CNTN4: variants seen among roughly 807,000 people sequenced by gnomAD.
The protein encoded by CNTN4 is contactin 4.
In CNTN4, 77 loss-of-function variants were observed where a neutral mutation model predicts 122.5. That is an observed-to-expected ratio of 0.63 (90% CI 0.52 to 0.76). The LOEUF is 0.76. Ranked by LOEUF, CNTN4 falls within the 30% of genes least tolerant of loss-of-function variation. CNTN4 has a pLI of 0.00. For missense variants in CNTN4, 1,256 were observed against 1,259.1 expected, an observed-to-expected ratio of 1.00 and a Z score of 0.04; for synonymous variants, 512 against 447.0, an observed-to-expected ratio of 1.15 and a Z score of -1.83.
intron 4 of CNTN4, among the ~76,000 whole-genome samples, chr3:2,594,287 A>G (rs1345018655): frequency 1.3e-5 from 2 of 152,196 alleles, no homozygotes; most frequent in East Asian, 3.9e-4. Flanking sequence ...CCAATTCTAT[A>G]CACAAAGTAC....
chr3:2,282,924 A>T (rs1024444527), intron 2 of CNTN4, among the ~76,000 whole-genome samples: 3 of 152,174 alleles, frequency 2.0e-5, no homozygotes, highest in African/African-American at 7.2e-5. Flanking sequence ...GCCTTCATGT[A>T]TATGAAATAC....
chr3:2,288,112 A>G (rs1007813086), intron 2 of CNTN4, among the ~76,000 whole-genome samples: 2 of 152,216 alleles, frequency 1.3e-5, no homozygotes, highest in Non-Finnish European at 1.5e-5. Flanking sequence ...AGTTGAAATA[A>G]TCTGAAATGC....
At chr3:2,845,006 T>A (rs1332159313) in intron 7 of CNTN4, among the ~76,000 whole-genome samples, 4 of 152,112 alleles carry the variant, frequency 2.6e-5, no homozygotes, top group African/African-American at 9.7e-5. Flanking sequence ...CCCAAACCAG[T>A]TTATGCCAGT....
intron 2 of CNTN4, among the ~76,000 whole-genome samples, chr3:2,210,966 T>C (rs1471249767): frequency 6.6e-6 from 1 of 152,230 alleles, no homozygotes; most frequent in Non-Finnish European, 1.5e-5. Flanking sequence ...CAGAGAATTC[T>C]TGAATCACGC....
chr3:2,533,381 G>C (rs2077673040), intron 3 of CNTN4, among the ~76,000 whole-genome samples: 1 of 152,004 alleles, frequency 6.6e-6, no homozygotes, highest in Non-Finnish European at 1.5e-5. Context: ...AGAACATGCA[G>C]TGTTTGATTT....
At chr3:2,176,069 A>G (rs1157621818) in intron 2 of CNTN4, among the ~76,000 whole-genome samples, 1 of 152,156 alleles carries the variant, frequency 6.6e-6, no homozygotes, top group East Asian at 1.9e-4. Context: ...GATTCTTTTT[A>G]TATGTTGAGT....
At chr3:2,669,380 G>A (rs1267261121) in intron 4 of CNTN4, among the ~76,000 whole-genome samples, 2 of 152,228 alleles carry the variant, frequency 1.3e-5, no homozygotes, top group African/African-American at 2.4e-5. Flanking sequence ...CATTTGCATA[G>A]AGGTGTTTAT....
chr3:2,418,345 G>A lies in CNTN4; in HGVS notation c.-89+79112G>A, dbSNP rs568711122. Among the ~76,000 whole-genome samples, 16 of 152,238 alleles carry A rather than the reference G, an allele frequency of 1.1e-4. No homozygotes were observed. In the East Asian group the frequency reaches 1.2e-3, roughly 11 times the overall value. On this transcript the variant is annotated intron_variant, in intron 3 of 24. Coordinates refer to ENST00000418658, the MANE Select transcript of CNTN4 (RefSeq NM_175607.3). ...TAAAAAATCACCACAGAGGCAAAAT[G>A]TGAGATTAGAACAACCTCTTCAAAA...
chr3:2,733,880 A>G (rs2088883687), intron 4 of CNTN4, among the ~76,000 whole-genome samples: 1 of 152,004 alleles, frequency 6.6e-6, no homozygotes, highest in African/African-American at 2.4e-5. Flanking sequence ...GTGCTTTCAT[A>G]AATCTTCTCT....
intron 2 of CNTN4, among the ~76,000 whole-genome samples, chr3:2,321,230 A>G (rs886084757): frequency 6.6e-6 from 1 of 152,202 alleles, no homozygotes; most frequent in African/African-American, 2.4e-5. Flanking sequence ...AATGTGGCTT[A>G]GAACAATTCT....
At chr3:2,474,565 T>A (rs193272568) in intron 3 of CNTN4, among the ~76,000 whole-genome samples, 1 of 152,100 alleles carries the variant, frequency 6.6e-6, no homozygotes, top group Admixed American at 6.5e-5. Flanking sequence ...AACCACACAA[T>A]GATGATGAAG....
chr3:2,652,311 C>T (rs1038285233), intron 4 of CNTN4, among the ~76,000 whole-genome samples: 1 of 152,070 alleles, frequency 6.6e-6, no homozygotes, highest in East Asian at 1.9e-4. Flanking sequence ...ACTTACAAAA[C>T]AGATACTTAG....
intron 14 of CNTN4, among the ~76,000 whole-genome samples, chr3:3,012,494 G>A (rs758678138): frequency 6.6e-6 from 1 of 151,826 alleles, no homozygotes; most frequent in Non-Finnish European, 1.5e-5. Context: ...CTGTTGCCCG[G>A]GCTGGAGTGC....
chr3:2,578,714 G>A (rs1466460), intron 4 of CNTN4, among the ~76,000 whole-genome samples: 102,920 of 151,930 alleles, frequency 0.68, 35,623 homozygotes, highest in Admixed American at 0.76. Flanking sequence ...ATGACTTGCC[G>A]GTGTATTTAC....
chr3:2,979,252 C>A (rs1168228329), intron 13 of CNTN4, among the ~76,000 whole-genome samples: 1 of 151,974 alleles, frequency 6.6e-6, no homozygotes, highest in South Asian at 2.1e-4. Context: ...TTCTGGGGCG[C>A]CTAAGCACAT....
At chr3:3,011,649 TTTG>T (rs1412838014) in intron 14 of CNTN4, among the ~76,000 whole-genome samples, 1 of 152,188 alleles carries the variant, frequency 6.6e-6, no homozygotes, top group African/African-American at 2.4e-5. Flanking sequence ...GTTTTGAGCA[TTTG>T]TTACCAGTTT....
chr3:2,727,724 C>T (rs1490041124), intron 4 of CNTN4, among the ~76,000 whole-genome samples: 3 of 152,076 alleles, frequency 2.0e-5, no homozygotes, highest in South Asian at 2.1e-4. Context: ...TGCATGATGG[C>T]GGCAGCATTA....
intron 2 of CNTN4, among the ~76,000 whole-genome samples, chr3:2,160,001 G>A (rs2035890005): frequency 6.6e-6 from 1 of 151,808 alleles, no homozygotes; most frequent in South Asian, 2.1e-4. Flanking sequence ...TTTGCTTTGT[G>A]TTTCCTCTCT....
chr3:2,411,749 A>G (rs563279072), intron 3 of CNTN4, among the ~76,000 whole-genome samples: 3 of 152,238 alleles, frequency 2.0e-5, no homozygotes, highest in Admixed American at 6.5e-5. Context: ...GTGTCTTACT[A>G]TGTAAGTTTC....
Sources: gnomAD v4.1 joint callset for allele counts (sites outside exome capture counted in the v4.1 genomes callset) on GRCh38, gnomAD v4.1.1 for gene constraint, MANE v1.5 for transcripts, NCBI Gene and HGNC (gene_info 2026-07-23, HGNC 2026-07-21) for gene names.